C8orf34: variants seen among roughly 807,000 people sequenced by gnomAD.
The protein encoded by C8orf34 is chromosome 8 open reading frame 34.
Under a neutral mutation model 68.3 loss-of-function variants are expected in C8orf34, and 65 were observed. The ratio of observed to expected loss-of-function variants is 0.95; its 90% confidence interval spans 0.78 to 1.17. The LOEUF is 1.17. Among genes scored for constraint, C8orf34 ranks in the 50% most tolerant of loss-of-function variants. The pLI is 0.00. For missense variants in C8orf34, 664 were observed against 655.4 expected (o/e 1.01, Z -0.14); for synonymous variants, 244 against 241.2 (o/e 1.01, Z -0.11).
intron 8 of C8orf34, among the ~76,000 whole-genome samples, chr8:68,684,445 T>G (rs959568645): frequency 6.6e-6 from 1 of 152,174 alleles, no homozygotes; most frequent in African/African-American, 2.4e-5. Context: ...TAAGAAATAT[T>G]TATAAATTCT....
chr8:68,382,149 T>C (rs974631751), intron 1 of C8orf34, among the ~76,000 whole-genome samples: 4 of 152,228 alleles, frequency 2.6e-5, no homozygotes, highest in African/African-American at 9.6e-5. Context: ...AATATTTATA[T>C]TTTGCATCTT....
intron 8 of C8orf34, among the ~76,000 whole-genome samples, chr8:68,675,554 CAT>C (rs1317483083): frequency 1.3e-5 from 2 of 149,944 alleles, no homozygotes; most frequent in Admixed American, 6.6e-5. Context: ...TTGCAAGCCT[CAT>C]AGTAATCTCA....
At chr8:68,494,183 G>A (rs1332163536) in intron 5 of C8orf34, among the ~76,000 whole-genome samples, 1 of 152,174 alleles carries the variant, frequency 6.6e-6, no homozygotes, top group African/African-American at 2.4e-5. Flanking sequence ...CAATGGAATA[G>A]TGTTCAGCCT....
intron 1 of C8orf34, among the ~76,000 whole-genome samples, chr8:68,375,289 A>G (rs1197933993): frequency 2.6e-5 from 4 of 152,240 alleles, no homozygotes; most frequent in Non-Finnish European, 5.9e-5. Flanking sequence ...GTTATTCACA[A>G]TATTTAGGTG....
At chr8:68,492,128 A>G (rs951721684) in intron 5 of C8orf34, among the ~76,000 whole-genome samples, 1 of 152,242 alleles carries the variant, frequency 6.6e-6, no homozygotes, top group Admixed American at 6.5e-5. Flanking sequence ...ACATGCCACA[A>G]GAAGATTCTT....
chr8:68,552,900 G>A (rs1407518056), intron 7 of C8orf34, among the ~76,000 whole-genome samples: 6 of 151,900 alleles, frequency 3.9e-5, no homozygotes, highest in Admixed American at 1.3e-4. Context: ...TTGTATTTCA[G>A]GGATAAATCC....
chr8:68,475,588 A>G (rs1812576309), intron 4 of C8orf34, among the ~76,000 whole-genome samples: 1 of 152,210 alleles, frequency 6.6e-6, no homozygotes, highest in South Asian at 2.1e-4. Flanking sequence ...GGCTGTTAGT[A>G]GATTTGACTT....
At chr8:68,366,482 A>G (rs1474236592) in intron 1 of C8orf34, among the ~76,000 whole-genome samples, 4 of 146,402 alleles carry the variant, frequency 2.7e-5, no homozygotes, top group Non-Finnish European at 6.0e-5. Context: ...GCATCACACT[A>G]CCTGACTTCA....
intron 7 of C8orf34, among the ~76,000 whole-genome samples, chr8:68,552,006 G>A (rs962497816): frequency 6.6e-6 from 1 of 152,002 alleles, no homozygotes; most frequent in Admixed American, 6.6e-5. Flanking sequence ...CATTGAATTT[G>A]CTTGGTATTC....
chr8:68,383,129 A>G (rs1808113464), intron 1 of C8orf34, among the ~76,000 whole-genome samples: 1 of 152,212 alleles, frequency 6.6e-6, no homozygotes, highest in Non-Finnish European at 1.5e-5. Context: ...TGTGACCGTC[A>G]TCCTAGGTCC....
At chr8:68,357,815 C>T (rs971668242) in intron 1 of C8orf34, among the ~76,000 whole-genome samples, 2 of 152,166 alleles carry the variant, frequency 1.3e-5, no homozygotes, top group African/African-American at 2.4e-5. Flanking sequence ...ATGAGAACTA[C>T]TGCATAATTT....
intron 7 of C8orf34, among the ~76,000 whole-genome samples, chr8:68,630,016 A>T (rs182711343): frequency 9.0e-4 from 137 of 152,234 alleles, no homozygotes; most frequent in African/African-American, 3.1e-3. Flanking sequence ...TATTGTCAAT[A>T]AATGTATTCT....
intron 9 of C8orf34, among the ~76,000 whole-genome samples, chr8:68,714,436 A>T (rs1257055026): frequency 1.3e-5 from 2 of 152,164 alleles, no homozygotes; most frequent in African/African-American, 4.8e-5. Flanking sequence ...AAGTTTCAGG[A>T]TACAAAATTA....
chr8:68,467,655 T>G (rs1013170018), intron 3 of C8orf34, among the ~76,000 whole-genome samples: 1 of 151,966 alleles, frequency 6.6e-6, no homozygotes, highest in African/African-American at 2.4e-5. Context: ...GATTTACTTG[T>G]TCATTTTGGT....
intron 10 of C8orf34, among the ~76,000 whole-genome samples, chr8:68,733,048 AGT>A (rs1208270010): frequency 3.3e-5 from 5 of 152,190 alleles, no homozygotes; most frequent in Non-Finnish European, 5.9e-5. Flanking sequence ...TGGGCAACAG[AGT>A]GAGACTCTGT....
chr8:68,643,784 A>C (rs1819084979), intron 8 of C8orf34, among the ~76,000 whole-genome samples: 3 of 152,340 alleles, frequency 2.0e-5, no homozygotes, highest in Admixed American at 2.0e-4. Context: ...GGGCACAAAC[A>C]TTCAGACCAT....
intron 11 of C8orf34, among the ~76,000 whole-genome samples, chr8:68,785,523 C>A (rs1585880100): frequency 6.6e-6 from 1 of 152,260 alleles, no homozygotes; most frequent in Admixed American, 6.5e-5. Context: ...TGTAGAGTTC[C>A]TTTAGCCTTT....
intron 1 of C8orf34, among the ~76,000 whole-genome samples, chr8:68,405,152 A>T (rs901447916): frequency 1.3e-5 from 2 of 151,924 alleles, no homozygotes; most frequent in African/African-American, 4.8e-5. Flanking sequence ...GTACATTCTT[A>T]AGATGGTTTG....
chr8:68,451,436 T>C lies in C8orf34; in HGVS notation c.607+4976T>C, dbSNP rs148574781. Reference sequence around the variant, plus strand: ...CAGCCTACCATGTCTTTCAACATGCTTTCCTCACTAAGCTTAATCATTTCT... The same window carrying C: ...CAGCCTACCATGTCTTTCAACATGCCTTCCTCACTAAGCTTAATCATTTCT... On this transcript the variant is annotated intron_variant, in intron 3 of 13. Transcript: ENST00000518698. 2.2e-3 allele frequency among the ~76,000 whole-genome samples: 328 copies of C among 152,274 alleles called. 1 individual carries two copies. The highest frequency in any genetic ancestry group is 7.1e-3 in the African/African-American group (295 of 41,586).
Sources: allele counts gnomAD v4.1 joint callset (sites outside exome capture counted in the v4.1 genomes callset), GRCh38; gene constraint gnomAD v4.1.1; transcripts MANE v1.5; gene names NCBI Gene and HGNC (gene_info 2026-07-23, HGNC 2026-07-21).